KBTBD3: variants seen among roughly 807,000 people sequenced by gnomAD.
The protein encoded by KBTBD3 is kelch repeat and BTB domain-containing protein 3.
KBTBD3 carries 38 observed loss-of-function variants against 49.6 expected under a neutral mutation model. The ratio of observed to expected loss-of-function variants is 0.77; its 90% CI spans 0.59 to 1.00. KBTBD3 has a LOEUF of 1.00. KBTBD3 is among the 50% of genes least tolerant of loss of function. KBTBD3 has a pLI of 0.00. For synonymous variants in KBTBD3, 214 were observed against 250.4 expected, an observed-to-expected ratio of 0.85 and a Z score of 1.37; for missense variants, 661 against 712.0, an observed-to-expected ratio of 0.93 and a Z score of 0.81.
chr11:106,054,300 G>C lies in KBTBD3; in HGVS notation c.389C>G (p.Ser130Ter), dbSNP rs750451805. Residue 130 changes from serine (S) to a stop codon, truncating the protein, a stop_gained, in exon 4 of 4, where the codon TCA becomes TGA. Coordinates refer to ENST00000531837, the MANE Select transcript of KBTBD3 (RefSeq NM_198439.3). LOFTEE classifies it high-confidence loss of function. ...GGATAGGAAGGAAACTTGAAGAAATGATGACAACTGGAAGAACATTTCCAC... is the reference window on the plus strand; with the variant it reads ...GGATAGGAAGGAAACTTGAAGAAATCATGACAACTGGAAGAACATTTCCAC... ...DNVEMFFQLSSFLQVSFLSKA... is the reference protein window; with the variant it reads ...DNVEMFFQLS The C allele has an allele frequency of 1.9e-6, 3 of 1,613,292 alleles. No homozygotes were observed. In the Admixed American group the frequency reaches 5.0e-5, roughly 27 times the overall value.
intron 2 of KBTBD3, among the ~76,000 whole-genome samples, chr11:106,068,963 T>G (rs1171781441): frequency 1.3e-5 from 2 of 152,062 alleles, no homozygotes; most frequent in Non-Finnish European, 2.9e-5. Flanking sequence ...CAAGACCATA[T>G]CAACTGATGC....
chr11:106,053,009 A>T lies in KBTBD3; in HGVS notation c.1680T>A (p.Tyr560Ter). The change falls in exon 4 of 4, where the codon TAT becomes TAA. Residue 560 changes from tyrosine to a stop codon, truncating the protein, a stop_gained. Coordinates refer to ENST00000531837, the MANE Select transcript of KBTBD3 (RefSeq NM_198439.3). LOFTEE classifies it high-confidence loss of function. ...EDKIYILGGD[Y>*]APDEITDEVQ... ...CTTCATCTGTGATTTCATCTGGTGC[A>T]TAATCACCACCTAATATATAAATTT... 2 of 1,613,738 alleles carry T rather than the reference A, an allele frequency of 1.2e-6. No homozygotes were observed. The highest frequency in any genetic ancestry group is 1.7e-6 in the Non-Finnish European group (2 of 1,179,750).
intron 3 of KBTBD3, among the ~76,000 whole-genome samples, chr11:106,056,497 A>T (rs1230633601): frequency 6.6e-6 from 1 of 152,244 alleles, no homozygotes. Flanking sequence ...GCATGAAAAC[A>T]TCACAGGGAA....
chr11:106,058,725 A>C (rs1353961979), intron 3 of KBTBD3, 140 bp downstream of exon 3: 5 of 634,580 alleles, frequency 7.9e-6, no homozygotes, highest in Non-Finnish European at 1.3e-5. Flanking sequence ...TGCCCAGCCT[A>C]ATTAGGTTTT....
At position 106,053,430 on chromosome 11, in the gene KBTBD3, CTT is replaced by C; in HGVS notation, c.1257_1258del (p.Leu422ArgfsTer3). 1 of 1,613,582 alleles carries C rather than the reference CTT, an allele frequency of 6.2e-7. No individual in the cohort carries two copies. Among genetic ancestry groups the C allele is most frequent in the East Asian group, 2.2e-5 (1 of 44,858 alleles). ...ATTGTAAGATTCAACATCTAAGAGA[CTT>C]TTAATGTCCCGGGATCCTCTAGTTT... On this transcript the variant is annotated frameshift_variant, in exon 4 of 4. Transcript: ENST00000531837. LOFTEE classifies it high-confidence loss of function.
intron 2 of KBTBD3, among the ~76,000 whole-genome samples, chr11:106,074,824 G>A (rs1467111867): frequency 6.6e-6 from 1 of 152,156 alleles, no homozygotes. Flanking sequence ...CTTGGAGATG[G>A]ATTGGATATA....
chr11:106,061,996 G>A (rs1860705299), intron 2 of KBTBD3, among the ~76,000 whole-genome samples: 1 of 151,684 alleles, frequency 6.6e-6, no homozygotes, highest in Non-Finnish European at 1.5e-5. Flanking sequence ...AAGTTCCACT[G>A]GATAGCCATT....
At chr11:106,071,538 T>C (rs1860918080) in intron 2 of KBTBD3, among the ~76,000 whole-genome samples, 1 of 152,254 alleles carries the variant, frequency 6.6e-6, no homozygotes, top group Middle Eastern at 3.4e-3. Flanking sequence ...CCTAAAATAA[T>C]ATAAAGAATC....
chr11:106,053,477 T>A lies in KBTBD3; in HGVS notation c.1212A>T (p.Arg404Ser). The change falls in exon 4 of 4, where the codon AGA becomes AGT. Residue 404 changes from arginine (R) to serine (S), a missense_variant. Coordinates refer to ENST00000531837, the MANE Select transcript of KBTBD3 (RefSeq NM_198439.3). Reference protein sequence around the residue: ...TMHTSVMALDRLFVIGGKTRG... With the variant: ...TMHTSVMALDSLFVIGGKTRG... The stretch of plus-strand genomic sequence containing the variant: ...TAGTTTTTCCACCTATGACAAATAA[T>A]CTATCGAGAGCCATAACTGATGTAT... 5.6e-6 allele frequency: 9 copies of A among 1,613,760 alleles called. No individual in the cohort carries two copies. Among genetic ancestry groups the A allele is most frequent in the Non-Finnish European group, 7.6e-6 (9 of 1,179,842 alleles).
At chr11:106,069,480 C>A (rs1860876635) in intron 2 of KBTBD3, among the ~76,000 whole-genome samples, 1 of 145,058 alleles carries the variant, frequency 6.9e-6, no homozygotes, top group African/African-American at 2.6e-5. Context: ...AAAATTAAAA[C>A]AAAAACAAAA....
intron 1 of KBTBD3, among the ~76,000 whole-genome samples, chr11:106,076,925 A>G (rs932937831): frequency 6.6e-6 from 1 of 152,162 alleles, no homozygotes; most frequent in African/African-American, 2.4e-5. Flanking sequence ...CCCCAAATAA[A>G]CAGCCAGCAT....
intron 3 of KBTBD3, among the ~76,000 whole-genome samples, chr11:106,054,749 A>T (rs1369778073): frequency 6.6e-6 from 1 of 151,974 alleles, no homozygotes; most frequent in Non-Finnish European, 1.5e-5. Flanking sequence ...TATTAATACT[A>T]TTGGGGCAAA....
rs139036684 is a variant in KBTBD3 at position 106,053,108 on chromosome 11, G to A, written c.1581C>T (p.Asp527=). ...ATCCTTCGCCTTTCCAAACACAAGT[G>A]TCTGGACAAAAACTATAAACCTTAT... ...STYKVYSFCP[D]TCVWKGEGSF... Residue 527 remains aspartate (D), a synonymous_variant, in exon 4 of 4, where the codon GAC becomes GAT. Coordinates refer to ENST00000531837, the MANE Select transcript of KBTBD3 (RefSeq NM_198439.3). The A allele has an allele frequency of 1.2e-6, 2 of 1,613,594 alleles. No individual in the cohort carries two copies. Among genetic ancestry groups the A allele is most frequent in the African/African-American group, 2.7e-5 (2 of 74,888 alleles).
Position 106,059,075 on chromosome 11 carries a change from G to T in KBTBD3, c.23C>A (p.Ser8Ter). Residue 8 changes from serine (S) to a stop codon, truncating the protein, a stop_gained, in exon 3 of 4, where the codon TCA becomes TAA. Coordinates refer to ENST00000531837, the MANE Select transcript of KBTBD3 (RefSeq NM_198439.3). LOFTEE classifies it high-confidence loss of function. ...TGTGCTTCGTTGATTGAAAGCATATGAATTATCCATAGCCAATTCCATATG... is the reference window on the plus strand; with the variant it reads ...TGTGCTTCGTTGATTGAAAGCATATTAATTATCCATAGCCAATTCCATATG... MELAMDN[S>*]YAFNQRSTCN... 1 of 1,552,266 alleles carries T rather than the reference G, an allele frequency of 6.4e-7. No homozygotes were observed. Among genetic ancestry groups the T allele is most frequent in the Non-Finnish European group, 8.6e-7 (1 of 1,160,466 alleles).
chr11:106,053,443 G>A lies in KBTBD3; in HGVS notation c.1246C>T (p.Arg416Trp), dbSNP rs150820076. Residue 416 changes from arginine (R) to tryptophan (W), a missense_variant, in exon 4 of 4, where the codon CGG becomes TGG. Transcript: ENST00000531837. ...FVIGGKTRGS[R>W]DIKSLLDVES... Reference sequence around the variant, plus strand: ...ACATCTAAGAGACTTTTAATGTCCCGGGATCCTCTAGTTTTTCCACCTATG... The same window carrying A: ...ACATCTAAGAGACTTTTAATGTCCCAGGATCCTCTAGTTTTTCCACCTATG... The A allele has an allele frequency of 1.1e-5, 18 of 1,613,444 alleles. No individual in the cohort carries two copies. The Admixed American group carries it at 1.5e-4, about 13-fold the overall frequency.
chr11:106,063,476 A>T (rs903930339), intron 2 of KBTBD3, among the ~76,000 whole-genome samples: 1 of 152,246 alleles, frequency 6.6e-6, no homozygotes, highest in Non-Finnish European at 1.5e-5. Flanking sequence ...GCGAAATGAA[A>T]GAAAAAGTAG....
chr11:106,065,377 G>T (rs957890181), intron 2 of KBTBD3, among the ~76,000 whole-genome samples: 1 of 152,164 alleles, frequency 6.6e-6, no homozygotes, highest in African/African-American at 2.4e-5. Context: ...CCCAGTGCTG[G>T]TCTAGATGGA....
At chr11:106,064,814 A>G (rs551092805) in intron 2 of KBTBD3, among the ~76,000 whole-genome samples, 3 of 152,290 alleles carry the variant, frequency 2.0e-5, no homozygotes, top group East Asian at 1.9e-4. Flanking sequence ...CCTGTCTAAA[A>G]TAACTACAGA....
At position 106,051,312 on chromosome 11, in the gene KBTBD3, A is replaced by G. The variant is rs566889369; in HGVS notation, c.*1538T>C. On this transcript the variant is annotated 3_prime_UTR_variant, in exon 4 of 4. Coordinates refer to ENST00000531837, the MANE Select transcript of KBTBD3 (RefSeq NM_198439.3). ...GAGCCAACTACTCATGTGCTTAGAT[A>G]AGAAGGCCACCAATAAATACGTCAT... 21 of 152,078 alleles carry G rather than the reference A, an allele frequency of 1.4e-4. No individual in the cohort carries two copies. The East Asian group carries it at 2.7e-3, about 20-fold the overall frequency. The allele number at this position is 152,078 out of a possible 1,614,324, so 9.4% of individuals were successfully genotyped here.
Sources: allele counts gnomAD v4.1 joint callset (sites outside exome capture counted in the v4.1 genomes callset), GRCh38; gene constraint gnomAD v4.1.1; transcripts MANE v1.5; gene names NCBI Gene and HGNC (gene_info 2026-07-23, HGNC 2026-07-21).